The following CNIH3 variants were observed in gnomAD, a reference collection of about 807,000 sequenced individuals.
CNIH3 encodes protein cornichon homolog 3.
A neutral mutation model predicts 24.1 loss-of-function variants in CNIH3; 14 were observed. That is an observed-to-expected ratio of 0.58 (90% CI 0.38 to 0.91). The LOEUF (loss-of-function observed/expected upper bound fraction) is 0.91, where lower values mean the gene tolerates loss of function less well. Ranked by LOEUF, CNIH3 falls within the 40% of genes least tolerant of loss-of-function variation. CNIH3 has a pLI of 0.00. For missense variants in CNIH3, 178 were observed against 196.8 expected (o/e 0.90, Z 0.57); for synonymous variants, 68 against 73.8 (o/e 0.92, Z 0.40).
At chr1:224,695,502 C>T (rs890224274) in intron 3 of CNIH3, among the ~76,000 whole-genome samples, 26 of 152,070 alleles carry the variant, frequency 1.7e-4, no homozygotes, top group South Asian at 4.2e-4. Flanking sequence ...TGCTGTGAAC[C>T]GAACCTTCAC....
chr1:224,590,170 A>G (rs1461464306), downstream of CNIH3, among the ~76,000 whole-genome samples: 1 of 152,202 alleles, frequency 6.6e-6, no homozygotes, highest in African/African-American at 2.4e-5. Context: ...CCATCACACC[A>G]GCTGATATCC....
chr1:224,706,778 T>A (rs1687833597), intron 3 of CNIH3, among the ~76,000 whole-genome samples: 1 of 152,282 alleles, frequency 6.6e-6, no homozygotes, highest in Admixed American at 6.5e-5. Context: ...GTCTCCTGTT[T>A]CCCTGAAACC....
In CNIH3 at chr1:224,684,892, G is replaced by A. The variant is rs892277637; in HGVS notation, c.198+49G>A. 6.4e-7 allele frequency: 1 copy of A among 1,565,314 alleles called. No homozygotes were observed. The highest frequency in any genetic ancestry group is 8.8e-7 in the Non-Finnish European group (1 of 1,135,626). Reference sequence around the variant, plus strand: ...AGGATGGAGGATCGCATGGTGGTGGGTGGGCACACAGTGAAAGAGGCTAGT... The same window carrying A: ...AGGATGGAGGATCGCATGGTGGTGGATGGGCACACAGTGAAAGAGGCTAGT... On this transcript the variant is annotated intron_variant, in intron 3 of 5. Transcript: ENST00000272133. This position sits in a 1 kb window ranked among gnomAD's most constrained non-coding sequence, Gnocchi z 4.2.
chr1:224,530,443 C>G (rs912522007), intron 2 of CNIH3, among the ~76,000 whole-genome samples: 6 of 152,064 alleles, frequency 3.9e-5, no homozygotes, highest in African/African-American at 1.4e-4. Flanking sequence ...TTAGGAACCA[C>G]TTTCATGCAC....
intron 3 of CNIH3, chr1:224,717,436 A>G (rs997264555): frequency 2.0e-5 from 3 of 152,352 alleles, no homozygotes; most frequent in African/African-American, 7.2e-5. Context: ...TGCCATCACA[A>G]TGGGGATTAG....
intron 1 of CNIH3, among the ~76,000 whole-genome samples, chr1:224,631,057 G>T (rs1167456137): frequency 1.3e-5 from 2 of 152,112 alleles, no homozygotes; most frequent in African/African-American, 4.8e-5. Context: ...TACTCGGGAG[G>T]CTGAGGCAGG....
intron 1 of CNIH3, among the ~76,000 whole-genome samples, chr1:224,650,601 G>A (rs532356693): frequency 6.6e-6 from 1 of 152,256 alleles, no homozygotes; most frequent in East Asian, 1.9e-4. Flanking sequence ...ACTTGGTGGG[G>A]GTGGAGGGGT....
intron 1 of CNIH3, among the ~76,000 whole-genome samples, chr1:224,667,765 A>C (rs765618219): frequency 2.0e-5 from 3 of 151,870 alleles, no homozygotes; most frequent in Non-Finnish European, 4.4e-5. Context: ...AAAAAAAAAA[A>C]AACCCATGAC....
intron 2 of CNIH3, among the ~76,000 whole-genome samples, chr1:224,528,627 G>C (rs1268775393): frequency 6.6e-6 from 1 of 152,166 alleles, no homozygotes; most frequent in Non-Finnish European, 1.5e-5. Flanking sequence ...CCAATGCCTG[G>C]TGCTAATAGT....
At chr1:224,563,483 G>GTA (rs1553267845) in intron 3 of CNIH3, among the ~76,000 whole-genome samples, 4 of 151,854 alleles carry the variant, frequency 2.6e-5, no homozygotes, top group Admixed American at 2.0e-4. Context: ...GTGTGTGTGT[G>GTA]TGTGTGTGTG....
intron 4 of CNIH3, among the ~76,000 whole-genome samples, chr1:224,573,142 T>C (rs1680892316): frequency 6.6e-6 from 1 of 152,230 alleles, no homozygotes; most frequent in African/African-American, 2.4e-5. Flanking sequence ...TTTAGTAACT[T>C]GAGTCTTTTC....
intron 4 of CNIH3, among the ~76,000 whole-genome samples, chr1:224,579,966 G>A (rs769488549): frequency 6.6e-6 from 1 of 152,192 alleles, no homozygotes; most frequent in African/African-American, 2.4e-5. Flanking sequence ...CAAAGACAGA[G>A]TGAACATAAG....
chr1:224,646,385 G>A (rs2125098948), intron 1 of CNIH3, among the ~76,000 whole-genome samples: 1 of 152,328 alleles, frequency 6.6e-6, no homozygotes, highest in South Asian at 2.1e-4. Context: ...TTTGGCCTTT[G>A]TTACAAGCAT....
At chr1:224,439,664 T>C (rs1455792289) in intron 1 of CNIH3, among the ~76,000 whole-genome samples, 3 of 152,122 alleles carry the variant, frequency 2.0e-5, no homozygotes, top group Admixed American at 1.3e-4. Context: ...CAGGCTGGAG[T>C]GCAGTGGCGC....
At chr1:224,507,976 G>C (rs947808836) in intron 1 of CNIH3, among the ~76,000 whole-genome samples, 18 of 152,180 alleles carry the variant, frequency 1.2e-4, no homozygotes, top group African/African-American at 3.6e-4. Flanking sequence ...TGTTTTATAG[G>C]CTTTTCTCTC....
chr1:224,716,522 G>C (rs1212939975), intron 3 of CNIH3, among the ~76,000 whole-genome samples: 1 of 152,142 alleles, frequency 6.6e-6, no homozygotes, highest in African/African-American at 2.4e-5. Context: ...TGTGTCACTT[G>C]CTCCAAGAAT....
intron 4 of CNIH3, among the ~76,000 whole-genome samples, chr1:224,571,993 A>G (rs545831381): frequency 2.0e-5 from 3 of 152,258 alleles, no homozygotes; most frequent in East Asian, 3.9e-4. Flanking sequence ...TGCACAGACA[A>G]TGTAAGACGT....
At chr1:224,727,459 G>C (rs1052381831) in intron 3 of CNIH3, among the ~76,000 whole-genome samples, 2 of 152,214 alleles carry the variant, frequency 1.3e-5, no homozygotes, top group Non-Finnish European at 2.9e-5. Context: ...AAAAGGAAAA[G>C]AGACTCTGGA....
chr1:224,608,897 T>C (rs1218528347), intron 3 of CNIH3, among the ~76,000 whole-genome samples: 1 of 152,216 alleles, frequency 6.6e-6, no homozygotes, highest in Non-Finnish European at 1.5e-5. Flanking sequence ...ATATACCCTT[T>C]AAACTCTGCC....
Sources: gnomAD v4.1 joint callset for allele counts (sites outside exome capture counted in the v4.1 genomes callset) on GRCh38, gnomAD v4.1.1 for gene constraint, Gnocchi (gnomAD v3.1) non-coding constraint, MANE v1.5 for transcripts, NCBI Gene and HGNC (gene_info 2026-07-23, HGNC 2026-07-21) for gene names.